Variants in SPMIP2 observed in about 807,000 individuals in gnomAD.
SPMIP2 encodes the protein protein SPMIP2.
At chr4:158,992,978 TAGA>T in the SPMIP2 span, among the ~76,000 whole-genome samples, 2 of 152,316 alleles carry the variant, frequency 1.3e-5, no homozygotes, top group Admixed American at 1.3e-4. Context: ...CTCTTAGTTT[TAGA>T]AGGTGTGATG....
At chr4:159,014,295 A>C in the SPMIP2 span, among the ~76,000 whole-genome samples, 1 of 152,062 alleles carries the variant, frequency 6.6e-6, no homozygotes, top group African/African-American at 2.4e-5. Flanking sequence ...TCTACTAAAA[A>C]TACAAAAATT....
At chr4:159,008,160 C>T in the SPMIP2 span, among the ~76,000 whole-genome samples, 1 of 152,362 alleles carries the variant, frequency 6.6e-6, no homozygotes, top group East Asian at 1.9e-4. Context: ...TCATCTGATA[C>T]ATGCCAGCCT....
At chr4:158,946,460 C>T in the SPMIP2 span, among the ~76,000 whole-genome samples, 2 of 152,144 alleles carry the variant, frequency 1.3e-5, no homozygotes, top group African/African-American at 4.8e-5. Context: ...GGCGGTTTCC[C>T]CCATGCTATT....
chr4:158,915,098 A>G, the SPMIP2 span: 1 of 1,329,376 alleles, frequency 7.5e-7, no homozygotes, highest in South Asian at 1.4e-5. Flanking sequence ...ACTATGAGAA[A>G]CCTGTCCCTG....
chr4:158,930,191 G>GTCTC, the SPMIP2 span, among the ~76,000 whole-genome samples: 1,408 of 143,874 alleles, frequency 9.8e-3, 16 homozygotes, highest in African/African-American at 0.027. Context: ...GAGGATCTCA[G>GTCTC]TCTCTCTCTC....
the SPMIP2 span, among the ~76,000 whole-genome samples, chr4:159,024,219 T>C: frequency 6.6e-6 from 1 of 152,244 alleles, no homozygotes; most frequent in African/African-American, 2.4e-5. Flanking sequence ...AATGATTTGA[T>C]GTCTCTGTCA....
At chr4:159,068,739 A>G in the SPMIP2 span, among the ~76,000 whole-genome samples, 1 of 152,134 alleles carries the variant, frequency 6.6e-6, no homozygotes, top group African/African-American at 2.4e-5. Context: ...TCAATGAGCC[A>G]AAACTGACAA....
the SPMIP2 span, among the ~76,000 whole-genome samples, chr4:159,061,457 G>A: frequency 1.3e-5 from 2 of 151,960 alleles, no homozygotes; most frequent in South Asian, 2.1e-4. Context: ...CATGGCATGG[G>A]CGCCTCCATT....
the SPMIP2 span, among the ~76,000 whole-genome samples, chr4:158,980,161 C>T: frequency 6.6e-6 from 1 of 151,112 alleles, no homozygotes. Context: ...CTAGATTCCT[C>T]TTCTCTGGGC....
At chr4:159,058,981 G>A in the SPMIP2 span, among the ~76,000 whole-genome samples, 2 of 152,126 alleles carry the variant, frequency 1.3e-5, no homozygotes. Flanking sequence ...AAAAAAATCT[G>A]AGTGCAAATG....
the SPMIP2 span, among the ~76,000 whole-genome samples, chr4:158,951,439 C>T: frequency 1.2e-3 from 184 of 152,206 alleles, 1 homozygote; most frequent in East Asian, 0.016. Context: ...TCTAGACATA[C>T]CCAAACATAG....
At chr4:159,005,300 C>G in the SPMIP2 span, among the ~76,000 whole-genome samples, 1 of 150,832 alleles carries the variant, frequency 6.6e-6, no homozygotes, top group African/African-American at 2.4e-5. Flanking sequence ...AAAAATTAGC[C>G]GGGCATGGTG....
chr4:158,944,948 GTAC>G, the SPMIP2 span, among the ~76,000 whole-genome samples: 3 of 152,104 alleles, frequency 2.0e-5, no homozygotes, highest in Non-Finnish European at 4.4e-5. Flanking sequence ...GTCGCTTTGG[GTAC>G]TATGTAAAGG....
chr4:158,932,647 G>GTAGA, the SPMIP2 span, among the ~76,000 whole-genome samples: 1 of 152,034 alleles, frequency 6.6e-6, no homozygotes, highest in Admixed American at 6.6e-5. Flanking sequence ...TGTCCATGGG[G>GTAGA]TAGAGCACAC....
chr4:159,017,023 T>C, the SPMIP2 span, among the ~76,000 whole-genome samples: 1 of 152,180 alleles, frequency 6.6e-6, no homozygotes, highest in South Asian at 2.1e-4. Flanking sequence ...GCTGTTTCTC[T>C]GAAATCTGCT....
chr4:159,024,308 A>T, the SPMIP2 span, among the ~76,000 whole-genome samples: 1 of 152,174 alleles, frequency 6.6e-6, no homozygotes, highest in Non-Finnish European at 1.5e-5. Context: ...CTAAAAGGTG[A>T]TATCTTTGGT....
the SPMIP2 span, among the ~76,000 whole-genome samples, chr4:158,940,432 A>G: frequency 6.6e-6 from 1 of 152,116 alleles, no homozygotes; most frequent in Non-Finnish European, 1.5e-5. Flanking sequence ...GTGTTTTTCC[A>G]CCAAGATGCA....
chr4:159,042,673 G>GT, the SPMIP2 span, among the ~76,000 whole-genome samples: 2 of 151,870 alleles, frequency 1.3e-5, no homozygotes, highest in Admixed American at 6.6e-5. Flanking sequence ...TTTTGTTTTT[G>GT]TTTTTTTGAG....
At chr4:159,082,629 T>C in the SPMIP2 span, among the ~76,000 whole-genome samples, 1 of 152,154 alleles carries the variant, frequency 6.6e-6, no homozygotes, top group Non-Finnish European at 1.5e-5. Context: ...TTCAAATAAA[T>C]ATTAAGCAAT....
Sources: allele counts gnomAD v4.1 joint callset (sites outside exome capture counted in the v4.1 genomes callset), GRCh38; gene constraint gnomAD v4.1.1; transcripts MANE v1.5; gene names NCBI Gene and HGNC (gene_info 2026-07-23, HGNC 2026-07-21).